Variants in ITGBL1 observed in about 807,000 individuals in gnomAD.
ITGBL1 encodes the protein integrin subunit beta like 1, also known as integrin beta-like protein 1.
ITGBL1 carries 51 observed loss-of-function variants against 68.5 expected under a neutral mutation model. The ratio of observed to expected loss-of-function variants is 0.74; its 90% CI spans 0.59 to 0.94. The LOEUF is 0.94. ITGBL1 is among the 40% of genes least tolerant of loss of function. ITGBL1 has a pLI of 0.00. For missense variants in ITGBL1, 649 were observed against 647.4 expected (o/e 1.00, Z -0.03); for synonymous variants, 209 against 227.3 (o/e 0.92, Z 0.72).
At chr13:101,486,953 A>C (rs923145581) in intron 2 of ITGBL1, among the ~76,000 whole-genome samples, 47 of 141,198 alleles carry the variant, frequency 3.3e-4, no homozygotes, top group African/African-American at 1.3e-3. Context: ...GCCAAATGGG[A>C]AGAATTATAA....
intron 2 of ITGBL1, among the ~76,000 whole-genome samples, chr13:101,514,932 A>G (rs1414313): frequency 0.21 from 32,547 of 151,990 alleles, 3,767 homozygotes; most frequent in East Asian, 0.44. Context: ...TATTCCTTCC[A>G]TCTAAGTATG....
chr13:101,625,831 G>A (rs1380290511), intron 7 of ITGBL1, among the ~76,000 whole-genome samples: 1 of 152,140 alleles, frequency 6.6e-6, no homozygotes, highest in Non-Finnish European at 1.5e-5. Context: ...TGGGATTACA[G>A]GCGTGAGCCA....
chr13:101,579,187 G>A (rs954651132), intron 4 of ITGBL1, 100 bp from the exon 5 acceptor site: 2 of 1,261,304 alleles, frequency 1.6e-6, no homozygotes, highest in Middle Eastern at 1.9e-4. Context: ...AGCTGTGACA[G>A]TATTTCAGAA....
intron 7 of ITGBL1, among the ~76,000 whole-genome samples, chr13:101,605,375 T>A (rs2139349682): frequency 6.6e-6 from 1 of 151,028 alleles, no homozygotes; most frequent in African/African-American, 2.4e-5. Flanking sequence ...TATGCGTATA[T>A]ATACACATAT....
chr13:101,699,748 G>T (rs967209602), intron 8 of ITGBL1, among the ~76,000 whole-genome samples: 2 of 152,204 alleles, frequency 1.3e-5, no homozygotes, highest in Admixed American at 6.5e-5. Context: ...GGTCCATGTA[G>T]ATGATTCTCC....
At chr13:101,671,706 G>A (rs1279749220) in intron 7 of ITGBL1, among the ~76,000 whole-genome samples, 1 of 151,778 alleles carries the variant, frequency 6.6e-6, no homozygotes, top group Admixed American at 6.6e-5. Flanking sequence ...CCAAAGTGCT[G>A]GGATTACAGG....
intron 2 of ITGBL1, among the ~76,000 whole-genome samples, chr13:101,564,363 A>G (rs1322662480): frequency 6.6e-6 from 1 of 151,934 alleles, no homozygotes; most frequent in Non-Finnish European, 1.5e-5. Flanking sequence ...GATAAATTGG[A>G]TTTAATTAAG....
At chr13:101,683,178 T>C (rs909877865) in intron 7 of ITGBL1, among the ~76,000 whole-genome samples, 1 of 152,030 alleles carries the variant, frequency 6.6e-6, no homozygotes, top group Non-Finnish European at 1.5e-5. Context: ...TTCTCACTTC[T>C]CTGAAATCAG....
chr13:101,569,135 C>T (rs1282746842), intron 3 of ITGBL1, among the ~76,000 whole-genome samples: 1 of 152,014 alleles, frequency 6.6e-6, no homozygotes, highest in Non-Finnish European at 1.5e-5. Flanking sequence ...CACGCGCGCG[C>T]ATGCCCCATA....
At chr13:101,461,870 A>G (rs890605134) in intron 2 of ITGBL1, among the ~76,000 whole-genome samples, 1 of 152,316 alleles carries the variant, frequency 6.6e-6, no homozygotes, top group Admixed American at 6.5e-5. Flanking sequence ...CTTGAGGCTT[A>G]AACAGCTCAG....
chr13:101,656,760 C>A (rs1326733646), intron 7 of ITGBL1, among the ~76,000 whole-genome samples: 1 of 152,130 alleles, frequency 6.6e-6, no homozygotes, highest in Non-Finnish European at 1.5e-5. Flanking sequence ...ACATGTCTTT[C>A]AAGAGTATGT....
In ITGBL1 at chr13:101,452,754, A is replaced by C. The variant is rs771246597; in HGVS notation, c.-80A>C. ...GTCTGCCCAGCCATCTGCTGGTGGCACCTCTCCCTCCTGCCGCCTCCCTCG... is the reference window on the plus strand; with the variant it reads ...GTCTGCCCAGCCATCTGCTGGTGGCCCCTCTCCCTCCTGCCGCCTCCCTCG... On this transcript the variant is annotated 5_prime_UTR_variant, in exon 1 of 11. Transcript: ENST00000376180. The C allele has an allele frequency of 2.7e-6, 3 of 1,120,458 alleles. No homozygotes were observed. The highest frequency in any genetic ancestry group is 3.4e-5 in the Admixed American group (2 of 58,824). The allele number at this position is 1,120,458 out of a possible 1,614,324, so 69.4% of individuals were successfully genotyped here. A position where few individuals can be genotyped will look rare whatever the true frequency, so the allele number is the denominator to read the frequency against.
intron 2 of ITGBL1, among the ~76,000 whole-genome samples, chr13:101,486,777 A>G (rs2048708378): frequency 6.6e-6 from 1 of 152,178 alleles, no homozygotes; most frequent in African/African-American, 2.4e-5. Context: ...CTGTGGCTAT[A>G]TTACTATTCA....
chr13:101,661,265 G>A (rs927592863), intron 7 of ITGBL1, among the ~76,000 whole-genome samples: 4 of 151,980 alleles, frequency 2.6e-5, no homozygotes, highest in Admixed American at 6.6e-5. Context: ...CTTCAGTTTC[G>A]AGCTTATCCT....
chr13:101,656,865 A>G (rs2032941218), intron 7 of ITGBL1, among the ~76,000 whole-genome samples: 1 of 151,980 alleles, frequency 6.6e-6, no homozygotes, highest in Non-Finnish European at 1.5e-5. Flanking sequence ...CATCTTAAAT[A>G]TATAGTCAGG....
intron 7 of ITGBL1, among the ~76,000 whole-genome samples, chr13:101,641,492 CT>C (rs2032366769): frequency 6.6e-6 from 1 of 150,998 alleles, no homozygotes; most frequent in Non-Finnish European, 1.5e-5. Flanking sequence ...GGGTGTACTC[CT>C]TCATAACTTG....
intron 6 of ITGBL1, among the ~76,000 whole-genome samples, chr13:101,592,252 C>G (rs371524985): frequency 1.3e-5 from 2 of 152,182 alleles, no homozygotes; most frequent in East Asian, 3.9e-4. Context: ...GGATTGTAAA[C>G]TCCATGTAGG....
At chr13:101,606,395 C>G (rs1474566723) in intron 7 of ITGBL1, among the ~76,000 whole-genome samples, 1 of 151,346 alleles carries the variant, frequency 6.6e-6, no homozygotes, top group Non-Finnish European at 1.5e-5. Context: ...CTAGATGTAG[C>G]TCATATAGCC....
In ITGBL1 at chr13:101,714,465, G is replaced by C. The variant is rs755093754; in HGVS notation, c.1307G>C (p.Cys436Ser). The C allele has an allele frequency of 6.2e-7, 1 of 1,611,052 alleles. No individual in the cohort carries two copies. Among genetic ancestry groups the C allele is most frequent in the South Asian group, 1.1e-5 (1 of 90,966 alleles). ...KGSCHCGKCI[C>S]SAEEWYISGE... is the part of the protein sequence containing the mutation. ...TCTTGTCATTGTGGGAAGTGCATTT[G>C]TTCTGCTGAAGAGTGGTATATTTCT... The change falls in exon 10 of 11, where the codon TGT becomes TCT. Residue 436 changes from cysteine to serine, a missense_variant. By Grantham distance (112) the Cys-to-Ser change is moderately radical (BLOSUM62 -1). Transcript: ENST00000376180.
Sources: allele counts gnomAD v4.1 joint callset (sites outside exome capture counted in the v4.1 genomes callset), GRCh38; gene constraint gnomAD v4.1.1; transcripts MANE v1.5; gene names NCBI Gene and HGNC (gene_info 2026-07-23, HGNC 2026-07-21).